Variants in RAB11FIP3 observed in about 807,000 individuals in gnomAD.
RAB11FIP3 encodes RAB11 family interacting protein 3.
A neutral mutation model predicts 77.8 loss-of-function variants in RAB11FIP3; 17 were observed. The observed-to-expected ratio is 0.22, with a 90% CI of 0.15 to 0.33. RAB11FIP3 has a LOEUF of 0.33. Ranked by LOEUF, RAB11FIP3 falls within the 10% of genes least tolerant of loss-of-function variation. RAB11FIP3 has a pLI of 1.00. For missense variants in RAB11FIP3, 1,005 were observed against 1,011.2 expected (o/e 0.99, Z 0.08); for synonymous variants, 437 against 448.2 (o/e 0.98, Z 0.31).
intron 5 of RAB11FIP3, among the ~76,000 whole-genome samples, chr16:494,105 T>TGTTAGCCAGGATG (rs372450944): frequency 0.16 from 6,378 of 39,412 alleles, 329 homozygotes; most frequent in African/African-American, 0.25. Flanking sequence ...GGTTTCACCA[T>TGTTAGCCAGGATG]GTCTCAATCT....
chr16:451,827 T>A (rs2055413009), intron 1 of RAB11FIP3, among the ~76,000 whole-genome samples: 1 of 148,108 alleles, frequency 6.8e-6, no homozygotes, highest in Admixed American at 6.8e-5. Flanking sequence ...AGAGCAAGAC[T>A]CTCTCTCAAA....
chr16:453,586 G>GTTTTTTTTT (rs766526904), intron 1 of RAB11FIP3: 2 of 107,326 alleles, frequency 1.9e-5, no homozygotes. Flanking sequence ...TAGGAAGTTG[G>GTTTTTTTTT]TTTTTTTTTT....
chr16:471,173 G>T lies in RAB11FIP3; in HGVS notation c.809-122G>T. The stretch of plus-strand genomic sequence containing the variant: ...CTTGCTTGTCTTGACCCCCCCCAGG[G>T]CCCCCAACTCCCACACATCTGTCCC... On this transcript the variant is annotated intron_variant, in intron 2 of 13. Coordinates refer to ENST00000262305, the MANE Select transcript of RAB11FIP3 (RefSeq NM_014700.4). The surrounding 1 kb of genome is among the most constrained non-coding windows in gnomAD (Gnocchi z 4.4). 2 of 760,094 alleles carry T rather than the reference G, an allele frequency of 2.6e-6. No individual in the cohort carries two copies. The highest frequency in any genetic ancestry group is 2.2e-6 in the Non-Finnish European group (1 of 449,832). The allele number at this position is 760,094 out of a possible 1,614,324, so 47.1% of individuals were successfully genotyped here.
chr16:470,996 G>A (rs544830686), intron 2 of RAB11FIP3, among the ~76,000 whole-genome samples: 6 of 148,064 alleles, frequency 4.1e-5, no homozygotes, highest in Non-Finnish European at 5.9e-5. Flanking sequence ...TTTTTGCAGT[G>A]CTGTCTGCTT....
intron 1 of RAB11FIP3, among the ~76,000 whole-genome samples, chr16:427,275 G>A (rs1223967041): frequency 2.0e-5 from 3 of 152,246 alleles, no homozygotes; most frequent in Non-Finnish European, 4.4e-5. Context: ...GACAGTCAAT[G>A]CTTGTAGAGA....
At position 426,814 on chromosome 16, in the gene RAB11FIP3, C is replaced by T. The variant is rs1028269321; in HGVS notation, c.714+94C>T. The stretch of plus-strand genomic sequence containing the variant: ...GACCGGTCGACGCTGCCCCTGGAGT[C>T]GGGAAAGGCACTGTCAAGACCTGAC... On this transcript the variant is annotated intron_variant, in intron 1 of 13. Transcript: ENST00000262305. This position sits in a 1 kb window ranked among gnomAD's most constrained non-coding sequence, Gnocchi z 5.0. 2 of 1,043,704 alleles carry T rather than the reference C, an allele frequency of 1.9e-6. No individual in the cohort carries two copies. The highest frequency in any genetic ancestry group is 1.7e-5 in the African/African-American group (1 of 60,088). 64.7% of individuals were successfully genotyped at this position (1,043,704 alleles called of 1,614,324 possible). A position where few individuals can be genotyped will look rare whatever the true frequency, so the allele number is the denominator to read the frequency against.
intron 5 of RAB11FIP3, among the ~76,000 whole-genome samples, chr16:492,808 TC>T (rs939343996): frequency 6.6e-6 from 1 of 152,174 alleles, no homozygotes; most frequent in Non-Finnish European, 1.5e-5. Flanking sequence ...ACTGATTTTT[TC>T]CCACATTGAG....
At chr16:474,827 T>C in intron 3 of RAB11FIP3, 1 of 1,420,648 alleles carries the variant, frequency 7.0e-7, no homozygotes, top group Non-Finnish European at 9.2e-7. Context: ...TTCCCCTCCC[T>C]GGGCAACACC....
Position 472,493 on chromosome 16 carries a change from C to T in RAB11FIP3, c.903+1104C>T, listed in dbSNP as rs960846958. ...TCTCGCATGGCTGCAGTGTGCAGAA[C>T]GTGCTGGGAGACCCCAGGACTACAG... On this transcript the variant is annotated intron_variant, in intron 3 of 13. Coordinates refer to ENST00000262305, the MANE Select transcript of RAB11FIP3 (RefSeq NM_014700.4). This position sits in a 1 kb window ranked among gnomAD's most constrained non-coding sequence, Gnocchi z 4.1. Among the ~76,000 whole-genome samples, 7 of 152,184 alleles carry T rather than the reference C, an allele frequency of 4.6e-5. No individual in the cohort carries two copies. Among genetic ancestry groups the T allele is most frequent in the Non-Finnish European group, 7.3e-5 (5 of 68,038 alleles).
intron 1 of RAB11FIP3, among the ~76,000 whole-genome samples, chr16:433,214 C>T: frequency 8.7e-6 from 1 of 114,626 alleles, no homozygotes; most frequent in Non-Finnish European, 1.8e-5. Flanking sequence ...TGTATTTTTA[C>T]TAGAGACAGG....
intron 9 of RAB11FIP3, among the ~76,000 whole-genome samples, chr16:516,053 G>A (rs1447737161): frequency 3.9e-5 from 6 of 152,216 alleles, no homozygotes; most frequent in East Asian, 3.8e-4. Flanking sequence ...CGGGCACCCC[G>A]TGGCCTCCCC....
chr16:475,626 G>C (rs983273184), intron 3 of RAB11FIP3, among the ~76,000 whole-genome samples: 28 of 152,330 alleles, frequency 1.8e-4, no homozygotes, highest in Non-Finnish European at 1.0e-4. Context: ...AGGTGGGGTG[G>C]CTCCTGTGAG....
chr16:427,239 A>G (rs889796714), intron 1 of RAB11FIP3, among the ~76,000 whole-genome samples: 2 of 152,204 alleles, frequency 1.3e-5, no homozygotes, highest in Non-Finnish European at 2.9e-5. Context: ...CATCTTTTCT[A>G]CTTAGATTTC....
chr16:431,817 C>T (rs1463070652), intron 1 of RAB11FIP3, among the ~76,000 whole-genome samples: 5 of 151,140 alleles, frequency 3.3e-5, no homozygotes, highest in East Asian at 1.9e-4. Context: ...AGTGCAGTGG[C>T]GTGATCTTGG....
intron 1 of RAB11FIP3, among the ~76,000 whole-genome samples, chr16:443,521 C>T (rs923990914): frequency 1.3e-5 from 2 of 152,166 alleles, no homozygotes; most frequent in Non-Finnish European, 2.9e-5. Context: ...ATTGTTACCA[C>T]CTCTCGATAT....
At chr16:466,824 C>G (rs542194696) in intron 2 of RAB11FIP3, among the ~76,000 whole-genome samples, 1 of 152,312 alleles carries the variant, frequency 6.6e-6, no homozygotes, top group East Asian at 1.9e-4. Flanking sequence ...TTCCCAGCAG[C>G]TGACAGATGG....
chr16:495,433 C>G (rs2031035919), intron 5 of RAB11FIP3, among the ~76,000 whole-genome samples: 1 of 152,234 alleles, frequency 6.6e-6, no homozygotes, highest in Admixed American at 6.5e-5. Flanking sequence ...TTGGCAGAGG[C>G]ACCCCTAGAG....
chr16:471,652 G>A lies in RAB11FIP3; in HGVS notation c.903+263G>A, dbSNP rs1393748763. ...GAAGTGGGGTGGGCAGTGATGTCAT[G>A]ACCACCCGCTGCCAGGCTGGCAGGC... On this transcript the variant is annotated intron_variant, in intron 3 of 13. Transcript: ENST00000262305. The surrounding 1 kb of genome is among the most constrained non-coding windows in gnomAD (Gnocchi z 4.4). Among the ~76,000 whole-genome samples the A allele has an allele frequency of 6.6e-6, 1 of 152,182 alleles. No individual in the cohort carries two copies. Among genetic ancestry groups the A allele is most frequent in the Non-Finnish European group, 1.5e-5 (1 of 68,028 alleles).
chr16:513,258 T>G (rs1468320207), intron 9 of RAB11FIP3, among the ~76,000 whole-genome samples: 2 of 151,978 alleles, frequency 1.3e-5, no homozygotes, highest in Non-Finnish European at 2.9e-5. Context: ...TCTTGCTCTG[T>G]GCCCCTGGCT....
Sources: allele counts gnomAD v4.1 joint callset (sites outside exome capture counted in the v4.1 genomes callset), GRCh38; gene constraint gnomAD v4.1.1; non-coding constraint Gnocchi (gnomAD v3.1); transcripts MANE v1.5; gene names NCBI Gene and HGNC (gene_info 2026-07-23, HGNC 2026-07-21).